Variants in ATG3 observed in about 807,000 individuals in gnomAD.
ATG3 encodes the protein ubiquitin-like-conjugating enzyme ATG3.
In ATG3, 25 loss-of-function variants were observed where a neutral mutation model predicts 50.7. The ratio of observed to expected loss-of-function variants is 0.49; its 90% CI spans 0.36 to 0.69. ATG3 has a LOEUF of 0.69. Among genes scored for constraint, ATG3 ranks in the 30% least tolerant of loss-of-function variants. The pLI, the probability that ATG3 is intolerant of heterozygous loss-of-function variation, is 0.00. For synonymous variants in ATG3, 119 were observed against 125.5 expected (o/e 0.95, Z 0.34); for missense variants, 281 against 376.0 (o/e 0.75, Z 2.09).
At chr3:112,555,200 A>G (rs1576727433) in intron 2 of ATG3, among the ~76,000 whole-genome samples, 1 of 152,196 alleles carries the variant, frequency 6.6e-6, no homozygotes, top group East Asian at 1.9e-4. Flanking sequence ...AAGAAAAACG[A>G]AAAACAAAAA....
Position 112,543,906 on chromosome 3 carries a change from G to A in ATG3, c.393+151C>T, listed in dbSNP as rs937997405. On this transcript the variant is annotated intron_variant, in intron 6 of 11. Coordinates refer to ENST00000283290, the MANE Select transcript of ATG3 (RefSeq NM_022488.5). ...GTGTTGAGACAGAAAAATGAATGGGGAAGAAAACAGCTGGAATTTAAAAGA... is the reference window on the plus strand; with the variant it reads ...GTGTTGAGACAGAAAAATGAATGGGAAAGAAAACAGCTGGAATTTAAAAGA... The A allele has an allele frequency of 9.7e-6, 5 of 513,874 alleles. No homozygotes were observed. In the Admixed American group the frequency reaches 1.7e-4, roughly 18 times the overall value. 31.8% of individuals were successfully genotyped at this position (513,874 alleles called of 1,614,324 possible). A position where few individuals can be genotyped will look rare whatever the true frequency, so the allele number is the denominator to read the frequency against.
Position 112,561,769 on chromosome 3 carries a change from C to G in ATG3, c.-241G>C, listed in dbSNP as rs1252622408. The G allele has an allele frequency of 7.8e-6, 4 of 510,040 alleles. No homozygotes were observed. Among genetic ancestry groups the G allele is most frequent in the African/African-American group, 4.1e-5 (2 of 48,354 alleles). 31.6% of individuals were successfully genotyped at this position (510,040 alleles called of 1,614,324 possible). A position where few individuals can be genotyped will look rare whatever the true frequency, so the allele number is the denominator to read the frequency against. On this transcript the variant is annotated 5_prime_UTR_variant, in exon 1 of 12. Transcript: ENST00000283290. Reference sequence around the variant, plus strand: ...CCCAGGCAGCCCGCGACGGACCGGACCCAGCTGTCACCCAGCCGCGAGGGA... The same window carrying G: ...CCCAGGCAGCCCGCGACGGACCGGAGCCAGCTGTCACCCAGCCGCGAGGGA...
chr3:112,540,779 T>C (rs546864958), intron 7 of ATG3, among the ~76,000 whole-genome samples: 1 of 151,776 alleles, frequency 6.6e-6, no homozygotes, highest in Non-Finnish European at 1.5e-5. Flanking sequence ...AAGAGGAAGA[T>C]ATGGTTAACA....
At chr3:112,553,381 A>G (rs1415644552) in intron 2 of ATG3, 52 bp from the exon 3 acceptor site, 1 of 1,533,122 alleles carries the variant, frequency 6.5e-7, no homozygotes, top group East Asian at 2.2e-5. Flanking sequence ...AAAATCAAAC[A>G]TCACTGAATG....
rs772009623 is a variant in ATG3, at chr3:112,538,195, C to A, written c.476-15G>T. 3.2e-6 allele frequency: 5 copies of A among 1,560,480 alleles called. No individual in the cohort carries two copies. Among genetic ancestry groups the A allele is most frequent in the East Asian group, 4.5e-5 (2 of 44,070 alleles). On this transcript the variant is annotated splice_polypyrimidine_tract_variant and intron_variant, in intron 7 of 11. Coordinates refer to ENST00000283290, the MANE Select transcript of ATG3 (RefSeq NM_022488.5). ...CTCTTCATATTCTGTTATAAAAAAA[C>A]AACAAAAGATTAATCAAGTTCAAGT...
In ATG3 at chr3:112,561,741, C is replaced by T; in HGVS notation, c.-213G>A. The stretch of plus-strand genomic sequence containing the variant: ...GCGAAGACGGGGTGCGCGATCCTCG[C>T]ACCCCAGGCAGCCCGCGACGGACCG... On this transcript the variant is annotated 5_prime_UTR_variant, in exon 1 of 12. Transcript: ENST00000283290. 1.8e-6 allele frequency: 1 copy of T among 554,944 alleles called. No individual in the cohort carries two copies. Among genetic ancestry groups the T allele is most frequent in the Admixed American group, 3.6e-5 (1 of 27,854 alleles). 34.4% of individuals were successfully genotyped at this position (554,944 alleles called of 1,614,324 possible).
At chr3:112,543,298 AAAC>A (rs1349463286) in intron 6 of ATG3, among the ~76,000 whole-genome samples, 1 of 152,112 alleles carries the variant, frequency 6.6e-6, no homozygotes, top group African/African-American at 2.4e-5. Flanking sequence ...ATATCATTTC[AAAC>A]AACTACAGGT....
chr3:112,535,628 T>C (rs2107366955), intron 10 of ATG3: 1 of 152,216 alleles, frequency 6.6e-6, no homozygotes, highest in South Asian at 2.1e-4. Flanking sequence ...ACTGAAAAAA[T>C]GAGCAAGGTC....
chr3:112,534,594 C>T (rs1932973536), intron 10 of ATG3: 1 of 209,150 alleles, frequency 4.8e-6, no homozygotes, highest in Non-Finnish European at 9.4e-6. Flanking sequence ...AACAGTTTTA[C>T]CAGGGGAGGG....
At position 112,532,770 on chromosome 3, in the gene ATG3, TAAG is replaced by T; in HGVS notation, c.871_873del (p.Leu291del). 1.9e-6 allele frequency: 3 copies of T among 1,595,656 alleles called. No homozygotes were observed. Among genetic ancestry groups the T allele is most frequent in the Non-Finnish European group, 2.6e-6 (3 of 1,171,220 alleles). ...ACAGCTTGTACAAATTTCAAGAAAATAAGAAGATACCTAAAGGTTTTTAGCTAA... is the reference window on the plus strand; with the variant it reads ...ACAGCTTGTACAAATTTCAAGAAAATAAGATACCTAAAGGTTTTTAGCTAA... On this transcript the variant is annotated inframe_deletion, in exon 12 of 12. Coordinates refer to ENST00000283290, the MANE Select transcript of ATG3 (RefSeq NM_022488.5).
intron 7 of ATG3, among the ~76,000 whole-genome samples, chr3:112,538,970 G>T (rs1414309664): frequency 2.0e-5 from 3 of 152,082 alleles, no homozygotes; most frequent in African/African-American, 7.2e-5. Flanking sequence ...AGAAGCTCAG[G>T]TCAAAAACCT....
At chr3:112,559,631 A>G (rs1933784355) in intron 1 of ATG3, among the ~76,000 whole-genome samples, 1 of 152,260 alleles carries the variant, frequency 6.6e-6, no homozygotes, top group African/African-American at 2.4e-5. Flanking sequence ...AAGGAAAGGA[A>G]CATGCCATAA....
At chr3:112,559,294 G>A (rs1267859403) in intron 1 of ATG3, among the ~76,000 whole-genome samples, 1 of 151,948 alleles carries the variant, frequency 6.6e-6, no homozygotes, top group Non-Finnish European at 1.5e-5. Flanking sequence ...TAAACTTTAA[G>A]TTATATGTAA....
Position 112,541,867 on chromosome 3 carries a change from T to C in ATG3, c.411A>G (p.Gln137=), listed in dbSNP as rs1396896333. The C allele has an allele frequency of 2.5e-6, 4 of 1,611,726 alleles. No individual in the cohort carries two copies. Among genetic ancestry groups the C allele is most frequent in the East Asian group, 2.2e-5 (1 of 44,802 alleles). The stretch of plus-strand genomic sequence containing the variant: ...CCTCTTCACATAGTGCTGAGCAATC[T>C]TGAAGCCTTATATTGTCCTTTGAAA... ...TLENKDNIRL[Q]DCSALCEEEE... Residue 137 remains glutamine, a synonymous_variant, in exon 7 of 12, where the codon CAA becomes CAG. Transcript: ENST00000283290.
intron 1 of ATG3, 106 bp from the exon 2 acceptor site, chr3:112,558,523 A>C (rs907867411): frequency 1.2e-6 from 1 of 843,214 alleles, no homozygotes; most frequent in Non-Finnish European, 2.0e-6. Context: ...AATAGAGCAC[A>C]TACAAAAAAA....
chr3:112,540,540 C>T (rs1271640084), intron 7 of ATG3, among the ~76,000 whole-genome samples: 3 of 151,816 alleles, frequency 2.0e-5, no homozygotes, highest in South Asian at 2.1e-4. Flanking sequence ...GTAATTTATA[C>T]TCTATCTTTC....
At chr3:112,542,022 C>T in intron 6 of ATG3, 138 bp from the exon 7 acceptor site, 1 of 572,800 alleles carries the variant, frequency 1.7e-6, no homozygotes, top group Non-Finnish European at 3.0e-6. Context: ...ACCTTAAACT[C>T]CAATGAAGAT....
intron 2 of ATG3, among the ~76,000 whole-genome samples, chr3:112,556,263 T>A (rs1030074818): frequency 6.6e-6 from 1 of 152,216 alleles, no homozygotes; most frequent in African/African-American, 2.4e-5. Flanking sequence ...TAGGAGAAAT[T>A]ACCGTCCCGT....
intron 2 of ATG3, among the ~76,000 whole-genome samples, chr3:112,554,250 C>T (rs567920762): frequency 1.3e-5 from 2 of 152,168 alleles, no homozygotes; most frequent in South Asian, 4.1e-4. Flanking sequence ...GTGACCTGCA[C>T]GTATACATCT....
Sources: gnomAD v4.1 joint callset for allele counts (sites outside exome capture counted in the v4.1 genomes callset) on GRCh38, gnomAD v4.1.1 for gene constraint, MANE v1.5 for transcripts, NCBI Gene and HGNC (gene_info 2026-07-23, HGNC 2026-07-21) for gene names.